Variants in ARHGEF33 observed in about 807,000 individuals in gnomAD.
ARHGEF33 encodes the protein Rho guanine nucleotide exchange factor 33, also known as DH and coiled-coil domain-containing protein ENSP00000381780.
In ARHGEF33, 72 loss-of-function variants were observed where a neutral mutation model predicts 101.9. That is an observed-to-expected ratio of 0.71 (90% CI 0.58 to 0.86). The LOEUF (loss-of-function observed/expected upper bound fraction) is 0.86, where lower values mean the gene tolerates loss of function less well. Ranked by LOEUF, ARHGEF33 falls within the 40% of genes least tolerant of loss-of-function variation. The pLI is 0.00. For synonymous variants in ARHGEF33, 499 were observed against 442.5 expected (o/e 1.13, Z -1.60); for missense variants, 1,169 against 1,111.3 (o/e 1.05, Z -0.74).
intron 16 of ARHGEF33, among the ~76,000 whole-genome samples, chr2:38,962,393 A>G (rs1285703640): frequency 1.3e-5 from 2 of 152,226 alleles, no homozygotes; most frequent in Non-Finnish European, 2.9e-5. Flanking sequence ...TTGGGGTTCA[A>G]CAATTGTAAG....
intron 4 of ARHGEF33, among the ~76,000 whole-genome samples, chr2:38,921,920 A>C (rs867686708): frequency 4.6e-5 from 7 of 152,320 alleles, no homozygotes; most frequent in South Asian, 2.1e-4. Flanking sequence ...ATTGAGAATG[A>C]AAAGGGGGGT....
intron 2 of ARHGEF33, among the ~76,000 whole-genome samples, chr2:38,904,908 A>G (rs1359479832): frequency 6.6e-6 from 1 of 152,154 alleles, no homozygotes; most frequent in Non-Finnish European, 1.5e-5. Context: ...CGACAATGAA[A>G]AGCAAAGGAG....
At chr2:38,918,939 G>C (rs1349739098) in intron 2 of ARHGEF33, among the ~76,000 whole-genome samples, 2 of 151,792 alleles carry the variant, frequency 1.3e-5, no homozygotes, top group Non-Finnish European at 2.9e-5. Flanking sequence ...CCAGCTATTT[G>C]GGAGGCTGAG....
At position 38,902,917 on chromosome 2, in the gene ARHGEF33, A is replaced by G. The variant is rs1040993212; in HGVS notation, c.-86+7068A>G. ...CTCTCTTATATGTATGGGTCAAAGA[A>G]GGCCTTTCTAATAAAGTGACATTCA... On this transcript the variant is annotated intron_variant, in intron 2 of 17. Transcript: ENST00000409978. 1.4e-4 allele frequency among the ~76,000 whole-genome samples: 21 copies of G among 152,214 alleles called. 1 individual carries two copies. Among genetic ancestry groups the G allele is most frequent in the African/African-American group, 2.4e-5 (1 of 41,464 alleles).
intron 4 of ARHGEF33, among the ~76,000 whole-genome samples, chr2:38,928,432 T>C (rs1190088628): frequency 6.6e-6 from 1 of 152,204 alleles, no homozygotes. Flanking sequence ...AGATAAATTC[T>C]CAGTTATGCT....
At chr2:38,963,527 A>G (rs997850495) in intron 16 of ARHGEF33, among the ~76,000 whole-genome samples, 2 of 152,186 alleles carry the variant, frequency 1.3e-5, no homozygotes, top group East Asian at 1.9e-4. Flanking sequence ...AAAACAACCT[A>G]TCTCACAGGG....
intron 7 of ARHGEF33, 61 bp downstream of exon 7, chr2:38,931,312 G>T: frequency 7.0e-7 from 1 of 1,418,968 alleles, no homozygotes; most frequent in South Asian, 1.4e-5. Context: ...CCCCAATTAA[G>T]AATGGGCTTA....
chr2:38,912,807 C>A (rs916365018), intron 2 of ARHGEF33, among the ~76,000 whole-genome samples: 5 of 152,146 alleles, frequency 3.3e-5, no homozygotes, highest in Non-Finnish European at 5.9e-5. Context: ...ATGCCATGAT[C>A]CTGGGCATAT....
At chr2:38,921,266 C>T (rs541184909) in intron 3 of ARHGEF33, 108 bp from the exon 4 acceptor site, 933 of 704,206 alleles carry the variant, frequency 1.3e-3, no homozygotes, top group South Asian at 6.4e-3. Context: ...TCTTGTCGTG[C>T]GGGCACAAAT....
chr2:38,928,930 C>A lies in ARHGEF33; in HGVS notation c.99C>A (p.Leu33=). ...IYQLQALASE[L]KTGFTEAMQE... is the part of the protein sequence containing the mutation. ...AGTTGCAGGCCCTAGCCTCCGAACT[C>A]AAAACTGGTTTCACAGAAGCAATGC... The change falls in exon 5 of 18, where the codon CTC becomes CTA. Residue 33 remains leucine (L), a synonymous_variant. Coordinates refer to ENST00000409978, the MANE Select transcript of ARHGEF33 (RefSeq NM_001145451.5). The A allele has an allele frequency of 6.5e-7, 1 of 1,550,022 alleles. No homozygotes were observed. Among genetic ancestry groups the A allele is most frequent in the South Asian group, 1.2e-5 (1 of 83,538 alleles).
intron 8 of ARHGEF33, 165 bp from the exon 9 acceptor site, chr2:38,937,170 A>G (rs1176196434): frequency 1.1e-5 from 6 of 557,710 alleles, no homozygotes; most frequent in African/African-American, 5.7e-5. Flanking sequence ...AATTTTTTAT[A>G]TTTTTAGTAG....
At chr2:38,891,692 T>C (rs1171976483) in intron 1 of ARHGEF33, among the ~76,000 whole-genome samples, 1 of 152,202 alleles carries the variant, frequency 6.6e-6, no homozygotes, top group Non-Finnish European at 1.5e-5. Context: ...TAATTCTTGC[T>C]AATCTTCTCA....
intron 4 of ARHGEF33, 100 bp downstream of exon 4, chr2:38,921,523 A>G (rs1217589851): frequency 4.9e-6 from 4 of 811,520 alleles, no homozygotes; most frequent in East Asian, 2.7e-5. Flanking sequence ...GTGCTTCCAC[A>G]TATATCGTTG....
intron 2 of ARHGEF33, among the ~76,000 whole-genome samples, chr2:38,910,697 A>G (rs1295038876): frequency 6.6e-6 from 1 of 152,186 alleles, no homozygotes; most frequent in Non-Finnish European, 1.5e-5. Flanking sequence ...CCTACTTTGT[A>G]TTATTTCTCT....
chr2:38,931,417 A>C (rs1234305116), intron 7 of ARHGEF33, 166 bp downstream of exon 7: 1 of 574,242 alleles, frequency 1.7e-6, no homozygotes, highest in East Asian at 3.0e-5. Context: ...CTAAGAGACC[A>C]CAAGAGTGCC....
intron 8 of ARHGEF33, chr2:38,936,821 T>TA (rs1274347917): frequency 1.3e-5 from 2 of 151,172 alleles, no homozygotes; most frequent in Non-Finnish European, 2.9e-5. Flanking sequence ...ACTAAAAATA[T>TA]AAAAATTAGC....
At chr2:38,943,829 T>C in intron 9 of ARHGEF33, 72 bp from the exon 10 acceptor site, 1 of 1,440,362 alleles carries the variant, frequency 6.9e-7, no homozygotes, top group Non-Finnish European at 9.4e-7. Context: ...TTTATCACTT[T>C]TATTGCTTGC....
At chr2:38,897,036 G>A (rs1330144704) in intron 2 of ARHGEF33, among the ~76,000 whole-genome samples, 2 of 152,006 alleles carry the variant, frequency 1.3e-5, no homozygotes, top group Admixed American at 6.6e-5. Flanking sequence ...CTGCCTCAGC[G>A]TCCCGAGTAG....
intron 2 of ARHGEF33, among the ~76,000 whole-genome samples, 196 bp downstream of exon 2, chr2:38,896,045 C>T (rs1409790053): frequency 6.6e-6 from 1 of 152,188 alleles, no homozygotes; most frequent in Non-Finnish European, 1.5e-5. Context: ...GGGCAAATAG[C>T]CACCTTCTAA....
Sources: gnomAD v4.1 joint callset for allele counts (sites outside exome capture counted in the v4.1 genomes callset) on GRCh38, gnomAD v4.1.1 for gene constraint, MANE v1.5 for transcripts, NCBI Gene and HGNC (gene_info 2026-07-23, HGNC 2026-07-21) for gene names.